FANCC: variants seen among roughly 807,000 people sequenced by gnomAD.
FANCC encodes Fanconi anemia group C protein.
Under a neutral mutation model 71.3 loss-of-function variants are expected in FANCC, and 55 were observed. The observed-to-expected ratio is 0.77, with a 90% confidence interval of 0.62 to 0.97. The LOEUF is 0.97. Among genes scored for constraint, FANCC ranks in the 50% least tolerant of loss-of-function variants. The pLI is 0.00. For missense variants in FANCC, 678 were observed against 670.9 expected (o/e 1.01, Z -0.12); for synonymous variants, 275 against 244.9 (o/e 1.12, Z -1.15).
At chr9:95,293,681 T>G (rs754791177) in intron 1 of FANCC, 10 of 1,614,110 alleles carry the variant, frequency 6.2e-6, no homozygotes, top group Non-Finnish European at 8.5e-6. Context: ...ATTTGTTGTT[T>G]GATTCTCAAG....
intron 4 of FANCC, among the ~76,000 whole-genome samples, chr9:95,198,306 T>C (rs1404644588): frequency 6.6e-6 from 1 of 152,226 alleles, no homozygotes; most frequent in Non-Finnish European, 1.5e-5. Flanking sequence ...TGGCATTTAG[T>C]GGTTAAGGAA....
At chr9:95,103,622 A>G (rs943422004) in intron 14 of FANCC, among the ~76,000 whole-genome samples, 1 of 152,212 alleles carries the variant, frequency 6.6e-6, no homozygotes, top group Admixed American at 6.5e-5. Flanking sequence ...GCGAGAGGCC[A>G]GGAGCCAGAG....
chr9:95,238,266 C>A (rs1467381227), intron 4 of FANCC, among the ~76,000 whole-genome samples: 1 of 152,212 alleles, frequency 6.6e-6, no homozygotes, highest in African/African-American at 2.4e-5. Context: ...CAATCCTCTG[C>A]CAGCAAATCA....
chr9:95,165,301 T>C lies in FANCC; in HGVS notation c.521+5778A>G, dbSNP rs183869508. Among the ~76,000 whole-genome samples the C allele has an allele frequency of 3.7e-3, 570 of 152,050 alleles. 2 individuals are homozygous for C. Among genetic ancestry groups the C allele is most frequent in the African/African-American group, 0.013 (554 of 41,578 alleles). On this transcript the variant is annotated intron_variant, in intron 6 of 14. Transcript: ENST00000289081. ...CTCTCCCTTTTAACTTTAGGTTTAG[T>C]TTGTTCTTTTTCTAGTTGCTTGAGG...
At chr9:95,194,166 C>T (rs189006469) in intron 4 of FANCC, among the ~76,000 whole-genome samples, 11 of 152,212 alleles carry the variant, frequency 7.2e-5, no homozygotes, top group Admixed American at 5.2e-4. Flanking sequence ...AATTAAATTT[C>T]GTATATTTTT....
intron 1 of FANCC, among the ~76,000 whole-genome samples, chr9:95,315,304 T>G (rs866009053): frequency 6.6e-6 from 1 of 152,202 alleles, no homozygotes; most frequent in African/African-American, 2.4e-5. Flanking sequence ...CAGTTCACTG[T>G]GGCCTCGACC....
At chr9:95,266,596 T>G (rs1316615156) in intron 1 of FANCC, among the ~76,000 whole-genome samples, 2 of 152,208 alleles carry the variant, frequency 1.3e-5, no homozygotes, top group Non-Finnish European at 2.9e-5. Context: ...CACTGAAATT[T>G]TAAGACATTA....
intron 7 of FANCC, among the ~76,000 whole-genome samples, chr9:95,143,088 T>A (rs1829012365): frequency 1.3e-5 from 2 of 152,204 alleles, no homozygotes; most frequent in Non-Finnish European, 2.9e-5. Context: ...TCTCTTCAGG[T>A]TTGATAATTT....
intron 1 of FANCC, among the ~76,000 whole-genome samples, chr9:95,277,574 C>A (rs1833121405): frequency 6.6e-6 from 1 of 151,998 alleles, no homozygotes. Context: ...CATCAACAAA[C>A]CCCAAATAAG....
intron 4 of FANCC, among the ~76,000 whole-genome samples, chr9:95,178,457 G>A (rs1181192816): frequency 2.0e-5 from 3 of 152,234 alleles, no homozygotes; most frequent in African/African-American, 7.2e-5. Context: ...CTCCTTAGGA[G>A]GCTTGGCCCA....
chr9:95,132,611 C>CCA (rs1257914330), intron 8 of FANCC, among the ~76,000 whole-genome samples: 2 of 152,202 alleles, frequency 1.3e-5, no homozygotes, highest in Non-Finnish European at 2.9e-5. Flanking sequence ...CGACAGCAGT[C>CCA]CAGTCCACCG....
chr9:95,288,753 A>T lies in FANCC; in HGVS notation c.-79+28773T>A, dbSNP rs540743411. Reference sequence around the variant, plus strand: ...GGCATTTCACTTTTTTTTTTTTTTAATTTCCAATGACTCTTCTCTTTGTTC... The same window carrying T: ...GGCATTTCACTTTTTTTTTTTTTTATTTTCCAATGACTCTTCTCTTTGTTC... On this transcript the variant is annotated intron_variant, in intron 1 of 14. Coordinates refer to ENST00000289081, the MANE Select transcript of FANCC (RefSeq NM_000136.3). Among the ~76,000 whole-genome samples the T allele has an allele frequency of 8.9e-4, 131 of 147,864 alleles. 2 individuals carry two copies. The highest frequency in any genetic ancestry group is 3.1e-3 in the African/African-American group (123 of 39,964).
chr9:95,123,539 A>G (rs761070325), intron 10 of FANCC: 3 of 521,610 alleles, frequency 5.8e-6, no homozygotes, highest in Non-Finnish European at 1.1e-5. Flanking sequence ...AAAAAGAAGG[A>G]ACAACGGTCG....
At chr9:95,142,200 C>T (rs565649281) in intron 7 of FANCC, among the ~76,000 whole-genome samples, 1 of 152,040 alleles carries the variant, frequency 6.6e-6, no homozygotes, top group African/African-American at 2.4e-5. Context: ...ACCACGTTGG[C>T]CAGGCTGGTC....
At chr9:95,250,943 T>C (rs1831292988) in intron 1 of FANCC, among the ~76,000 whole-genome samples, 1 of 152,244 alleles carries the variant, frequency 6.6e-6, no homozygotes, top group African/African-American at 2.4e-5. Context: ...TCCCCGTAGA[T>C]ACTCCCAGCT....
In FANCC at chr9:95,220,138, C is replaced by G. The variant is rs12350886; in HGVS notation, c.345+20511G>C. ...AAAAATGCTCGTCATCACTGGTCATCAGAGAAATGCAAATCAAAACCACAA... is the reference window on the plus strand; with the variant it reads ...AAAAATGCTCGTCATCACTGGTCATGAGAGAAATGCAAATCAAAACCACAA... On this transcript the variant is annotated intron_variant, in intron 4 of 14. Coordinates refer to ENST00000289081, the MANE Select transcript of FANCC (RefSeq NM_000136.3). 7.1e-3 allele frequency among the ~76,000 whole-genome samples: 1,084 copies of G among 152,308 alleles called. 8 individuals carry two copies. The highest frequency in any genetic ancestry group is 0.013 in the Admixed American group (194 of 15,310).
intron 4 of FANCC, among the ~76,000 whole-genome samples, chr9:95,179,394 T>C (rs1175686385): frequency 6.6e-6 from 1 of 152,276 alleles, no homozygotes; most frequent in Non-Finnish European, 1.5e-5. Context: ...TCACCCAGGC[T>C]GGCGTGCAAT....
intron 14 of FANCC, 40 bp downstream of exon 14, chr9:95,107,026 A>C: frequency 1.9e-6 from 3 of 1,605,126 alleles, no homozygotes; most frequent in Non-Finnish European, 2.6e-6. Flanking sequence ...CGCCTGGAGC[A>C]GAAATGAGTA....
At chr9:95,296,655 G>A (rs1326290895) in intron 1 of FANCC, among the ~76,000 whole-genome samples, 1 of 152,168 alleles carries the variant, frequency 6.6e-6, no homozygotes, top group Non-Finnish European at 1.5e-5. Context: ...AGGCAGGTAA[G>A]GTGTATTCAG....
Sources: allele counts gnomAD v4.1 joint callset (sites outside exome capture counted in the v4.1 genomes callset), GRCh38; gene constraint gnomAD v4.1.1; transcripts MANE v1.5; gene names NCBI Gene and HGNC (gene_info 2026-07-23, HGNC 2026-07-21).